Variants in TMEM150C observed in about 807,000 individuals in gnomAD.
TMEM150C encodes transmembrane protein 150C.
In TMEM150C, 10 loss-of-function variants were observed where a neutral mutation model predicts 29.9. The observed-to-expected ratio is 0.33, with a 90% confidence interval of 0.21 to 0.57. The LOEUF (loss-of-function observed/expected upper bound fraction) is 0.57, where lower values mean the gene tolerates loss of function less well. Ranked by LOEUF, TMEM150C falls within the 20% of genes least tolerant of loss-of-function variation. TMEM150C has a pLI of 0.88. For synonymous variants in TMEM150C, 101 were observed against 112.5 expected, an observed-to-expected ratio of 0.90 and a Z score of 0.64; for missense variants, 251 against 303.6, an observed-to-expected ratio of 0.83 and a Z score of 1.29.
At chr4:82,502,964 T>C in intron 3 of TMEM150C, 37 bp from the exon 4 acceptor site, 1 of 1,592,076 alleles carries the variant, frequency 6.3e-7, no homozygotes, top group Non-Finnish European at 8.5e-7. Context: ...AAGCTCAGGT[T>C]AAAGCACTGT....
chr4:82,489,935 T>C, intron 7 of TMEM150C, 126 bp downstream of exon 7: 2 of 949,174 alleles, frequency 2.1e-6, no homozygotes, highest in Non-Finnish European at 3.1e-6. Flanking sequence ...TTTATACCTG[T>C]TTACCTTTGC....
At chr4:82,523,349 G>C (rs928944001) in intron 1 of TMEM150C, among the ~76,000 whole-genome samples, 2 of 152,164 alleles carry the variant, frequency 1.3e-5, no homozygotes, top group African/African-American at 4.8e-5. Context: ...TCAGGGGATT[G>C]GTTTGACTAG....
chr4:82,558,234 C>T (rs891011782), intron 1 of TMEM150C, among the ~76,000 whole-genome samples: 7 of 152,060 alleles, frequency 4.6e-5, no homozygotes, highest in African/African-American at 9.7e-5. Context: ...AAATTAATTA[C>T]GGCTAAATAA....
intron 1 of TMEM150C, among the ~76,000 whole-genome samples, chr4:82,556,411 T>C (rs570811991): frequency 6.6e-6 from 1 of 152,252 alleles, no homozygotes; most frequent in Admixed American, 6.5e-5. Flanking sequence ...CTATTAGACA[T>C]TTTATTTCAT....
At position 82,503,064 on chromosome 4, in the gene TMEM150C, A is replaced by G; in HGVS notation, c.129T>C (p.Ala43=). 6.2e-7 allele frequency: 1 copy of G among 1,612,892 alleles called. No individual in the cohort carries two copies. Among genetic ancestry groups the G allele is most frequent in the South Asian group, 1.1e-5 (1 of 90,784 alleles). ...EDDKILPLNS[A]ERKPGVKHAP... is the part of the protein sequence containing the mutation. ...TACCCACAGATAAACTTTACCTTTC[A>G]GCTGAATTTAATGGTAAAATTTTGT... is the stretch of plus-strand genomic sequence containing the variant. Residue 43 remains alanine (A), a synonymous_variant, in exon 3 of 8, where the codon GCT becomes GCC. Coordinates refer to ENST00000449862, the MANE Select transcript of TMEM150C (RefSeq NM_001080506.3).
rs1317079576 is a variant in TMEM150C, at chr4:82,484,031, ATCC to A, written c.*1477_*1479del. ...GGTCTCGAGCTCCCAACCTCAGGTG[ATCC>A]GCCCGCCTCAGCCTCCCAAAGTGCT... is the stretch of plus-strand genomic sequence containing the variant. On this transcript the variant is annotated 3_prime_UTR_variant, in exon 8 of 8. Transcript: ENST00000449862. The A allele has an allele frequency of 6.6e-6, 1 of 151,966 alleles. No individual in the cohort carries two copies. Among genetic ancestry groups the A allele is most frequent in the East Asian group, 1.9e-4 (1 of 5,174 alleles). The allele number at this position is 151,966 out of a possible 1,614,324, so 9.4% of individuals were successfully genotyped here.
intron 1 of TMEM150C, among the ~76,000 whole-genome samples, chr4:82,511,286 C>T (rs752150914): frequency 4.4e-4 from 67 of 152,068 alleles, no homozygotes; most frequent in Non-Finnish European, 8.1e-4. Context: ...CATTACCATT[C>T]CCAAAAGAAT....
At chr4:82,535,413 A>C (rs1724973076) in intron 1 of TMEM150C, among the ~76,000 whole-genome samples, 1 of 152,190 alleles carries the variant, frequency 6.6e-6, no homozygotes, top group African/African-American at 2.4e-5. Flanking sequence ...GATCATTCTT[A>C]AAGGTCCTAC....
chr4:82,537,790 A>G (rs963631996), intron 1 of TMEM150C, among the ~76,000 whole-genome samples: 8 of 152,206 alleles, frequency 5.3e-5, no homozygotes, highest in Non-Finnish European at 8.8e-5. Flanking sequence ...AGATTGGAAT[A>G]ATGCTGCCAG....
intron 1 of TMEM150C, among the ~76,000 whole-genome samples, chr4:82,534,523 C>G (rs532569358): frequency 7.6e-4 from 116 of 152,078 alleles, no homozygotes; most frequent in Non-Finnish European, 1.1e-3. Context: ...AAAAGACATC[C>G]CAAATAAATG....
intron 1 of TMEM150C, among the ~76,000 whole-genome samples, chr4:82,506,555 G>C (rs946121188): frequency 9.9e-5 from 15 of 152,198 alleles, no homozygotes; most frequent in African/African-American, 3.1e-4. Context: ...ACCTGTGCCA[G>C]GTACTATATC....
intron 1 of TMEM150C, among the ~76,000 whole-genome samples, chr4:82,556,164 G>C (rs1379939763): frequency 6.6e-6 from 1 of 151,938 alleles, no homozygotes; most frequent in Non-Finnish European, 1.5e-5. Flanking sequence ...TTTTAGTAGA[G>C]ACGGGGTTTT....
At chr4:82,517,638 C>T (rs1261585654) in intron 1 of TMEM150C, among the ~76,000 whole-genome samples, 1 of 152,182 alleles carries the variant, frequency 6.6e-6, no homozygotes, top group Non-Finnish European at 1.5e-5. Context: ...GCACCCCTCC[C>T]AGGCTCTGAA....
intron 1 of TMEM150C, among the ~76,000 whole-genome samples, chr4:82,511,795 C>T (rs1724136114): frequency 6.6e-6 from 1 of 152,190 alleles, no homozygotes; most frequent in African/African-American, 2.4e-5. Context: ...AGAATAATCC[C>T]AGAAGGAATT....
chr4:82,535,700 T>C (rs1201549033), intron 1 of TMEM150C, among the ~76,000 whole-genome samples: 2 of 152,242 alleles, frequency 1.3e-5, no homozygotes, highest in African/African-American at 4.8e-5. Flanking sequence ...GTTTCTCATA[T>C]GAGCAACTCT....
At chr4:82,531,447 A>T (rs2110083024) in intron 1 of TMEM150C, among the ~76,000 whole-genome samples, 1 of 152,186 alleles carries the variant, frequency 6.6e-6, no homozygotes, top group East Asian at 1.9e-4. Context: ...CAATGGAGGA[A>T]TGGAGGCTGA....
intron 6 of TMEM150C, among the ~76,000 whole-genome samples, chr4:82,494,397 A>G (rs1241631700): frequency 1.3e-5 from 2 of 152,198 alleles, no homozygotes; most frequent in African/African-American, 4.8e-5. Context: ...AGTTAGGAGT[A>G]GCATATCTTT....
At chr4:82,495,588 C>T (rs1723528222) in intron 6 of TMEM150C, 3 of 353,042 alleles carry the variant, frequency 8.5e-6, no homozygotes, top group Non-Finnish European at 1.7e-5. Context: ...ACAGTGCAAC[C>T]ACGAACTAAT....
At chr4:82,506,323 T>C (rs1723919215) in intron 1 of TMEM150C, among the ~76,000 whole-genome samples, 1 of 152,234 alleles carries the variant, frequency 6.6e-6, no homozygotes, top group Admixed American at 6.5e-5. Context: ...ATTACGTAGA[T>C]CTTTCAGACT....
Sources: allele counts gnomAD v4.1 joint callset (sites outside exome capture counted in the v4.1 genomes callset), GRCh38; gene constraint gnomAD v4.1.1; transcripts MANE v1.5; gene names NCBI Gene and HGNC (gene_info 2026-07-23, HGNC 2026-07-21).